Variants in ATP8A1 observed in about 807,000 individuals in gnomAD.
The protein encoded by ATP8A1 is phospholipid-transporting ATPase IA.
A neutral mutation model predicts 177.7 loss-of-function variants in ATP8A1; 90 were observed. The observed-to-expected ratio is 0.51, with a 90% confidence interval of 0.43 to 0.60. The LOEUF (loss-of-function observed/expected upper bound fraction) is 0.60, where lower values mean the gene tolerates loss of function less well. Ranked by LOEUF, ATP8A1 falls within the 20% of genes least tolerant of loss-of-function variation. The pLI, the probability that ATP8A1 is intolerant of heterozygous loss-of-function variation, is 0.00. For missense variants in ATP8A1, 1,072 were observed against 1,392.8 expected, an observed-to-expected ratio of 0.77 and a Z score of 3.67; for synonymous variants, 493 against 485.9, an observed-to-expected ratio of 1.01 and a Z score of -0.19.
intron 19 of ATP8A1, among the ~76,000 whole-genome samples, chr4:42,545,432 T>C (rs941142662): frequency 9.9e-5 from 15 of 152,138 alleles, no homozygotes; most frequent in African/African-American, 3.6e-4. Flanking sequence ...GAACTCTCTT[T>C]TGTGTTACAT....
intron 22 of ATP8A1, among the ~76,000 whole-genome samples, chr4:42,521,096 G>A (rs1726083313): frequency 6.6e-6 from 1 of 152,200 alleles, no homozygotes; most frequent in African/African-American, 2.4e-5. Flanking sequence ...GTTCGATAGA[G>A]AGGAAAGAAG....
chr4:42,504,022 T>C (rs765972760), intron 23 of ATP8A1, among the ~76,000 whole-genome samples: 2 of 152,124 alleles, frequency 1.3e-5, no homozygotes, highest in Non-Finnish European at 2.9e-5. Flanking sequence ...AATCCTCCCT[T>C]TGTTCAATTC....
At chr4:42,497,485 T>A (rs2153192031) in intron 24 of ATP8A1, among the ~76,000 whole-genome samples, 1 of 152,270 alleles carries the variant, frequency 6.6e-6, no homozygotes, top group South Asian at 2.1e-4. Flanking sequence ...CAATTCTAGG[T>A]CTCAGGGAGC....
chr4:42,469,170 C>T (rs1720124513), intron 25 of ATP8A1, among the ~76,000 whole-genome samples: 1 of 152,140 alleles, frequency 6.6e-6, no homozygotes, highest in African/African-American at 2.4e-5. Context: ...CTCAAAAAGT[C>T]TTTTAGAGCA....
At chr4:42,480,905 A>G (rs1721603127) in intron 25 of ATP8A1, among the ~76,000 whole-genome samples, 1 of 152,252 alleles carries the variant, frequency 6.6e-6, no homozygotes, top group Non-Finnish European at 1.5e-5. Context: ...ACATGAGTAC[A>G]TAAATTATGT....
intron 25 of ATP8A1, among the ~76,000 whole-genome samples, chr4:42,465,799 A>G (rs1002191676): frequency 6.6e-6 from 1 of 152,096 alleles, no homozygotes; most frequent in African/African-American, 2.4e-5. Context: ...TTGGGAGGCC[A>G]AGGCAGGTGG....
chr4:42,419,642 A>T (rs917206387), intron 35 of ATP8A1, among the ~76,000 whole-genome samples: 4 of 152,214 alleles, frequency 2.6e-5, no homozygotes, highest in African/African-American at 9.6e-5. Flanking sequence ...GGAACCAAAG[A>T]AAGTCTGGTA....
At chr4:42,455,623 C>G in intron 27 of ATP8A1, 24 bp from the exon 28 acceptor site, 1 of 1,604,702 alleles carries the variant, frequency 6.2e-7, no homozygotes. Context: ...CCCAAAACCC[C>G]CAAATTAGAA....
chr4:42,410,665 C>G lies in ATP8A1; in HGVS notation c.*2251G>C, dbSNP rs958307793. 1 of 152,132 alleles carries G rather than the reference C, an allele frequency of 6.6e-6. No individual in the cohort carries two copies. The highest frequency in any genetic ancestry group is 1.5e-5 in the Non-Finnish European group (1 of 68,012). 9.4% of individuals were successfully genotyped at this position (152,132 alleles called of 1,614,324 possible). On this transcript the variant is annotated 3_prime_UTR_variant, in exon 37 of 37. Coordinates refer to ENST00000381668, the MANE Select transcript of ATP8A1 (RefSeq NM_006095.2). ...AACAGGACGATGGGACAAAGAGGCTCAAATTAGTCACATTTCAGATCATGT... is the reference window on the plus strand; with the variant it reads ...AACAGGACGATGGGACAAAGAGGCTGAAATTAGTCACATTTCAGATCATGT...
chr4:42,575,578 T>A (rs747926425), intron 13 of ATP8A1, 44 bp downstream of exon 13: 13 of 1,553,792 alleles, frequency 8.4e-6, no homozygotes, highest in Non-Finnish European at 1.2e-5. Context: ...ACACCAAATC[T>A]AACTTTTTAA....
intron 5 of ATP8A1, 73 bp from the exon 6 acceptor site, chr4:42,600,591 T>C (rs1735150257): frequency 3.7e-6 from 5 of 1,361,044 alleles, no homozygotes; most frequent in African/African-American, 3.0e-5. Flanking sequence ...GAAATAATAA[T>C]TTTAAACGAA....
At chr4:42,439,595 C>G (rs919072400) in intron 33 of ATP8A1, among the ~76,000 whole-genome samples, 2 of 152,190 alleles carry the variant, frequency 1.3e-5, no homozygotes, top group Admixed American at 1.3e-4. Context: ...ACAGTCATCG[C>G]TCGAGAAGCA....
chr4:42,576,277 C>T (rs1343572861), intron 12 of ATP8A1, among the ~76,000 whole-genome samples: 3 of 151,800 alleles, frequency 2.0e-5, no homozygotes, highest in Admixed American at 1.3e-4. Context: ...CGAGACCATC[C>T]TGGCTAACAC....
At chr4:42,464,856 G>T in intron 26 of ATP8A1, 37 bp downstream of exon 26, 1 of 1,612,344 alleles carries the variant, frequency 6.2e-7, no homozygotes, top group Non-Finnish European at 8.5e-7. Flanking sequence ...TCAGTTGACT[G>T]AGAGGAATGA....
chr4:42,470,282 T>C (rs1021649077), intron 25 of ATP8A1, among the ~76,000 whole-genome samples: 1 of 152,238 alleles, frequency 6.6e-6, no homozygotes, highest in African/African-American at 2.4e-5. Context: ...TGTTATTCAT[T>C]ATTTTTCTTA....
chr4:42,493,026 C>G (rs28670378), intron 24 of ATP8A1, among the ~76,000 whole-genome samples: 1 of 152,234 alleles, frequency 6.6e-6, no homozygotes, highest in Non-Finnish European at 1.5e-5. Context: ...TGTGACACAA[C>G]TCTTCATAGC....
chr4:42,634,619 T>C (rs894646895), intron 1 of ATP8A1, among the ~76,000 whole-genome samples: 3 of 152,194 alleles, frequency 2.0e-5, no homozygotes, highest in African/African-American at 7.2e-5. Flanking sequence ...CTACCAGTTA[T>C]GAGCTCTGGT....
rs78915266 is a variant in ATP8A1, at chr4:42,583,860, T to C, written c.723-2128A>G. Among the ~76,000 whole-genome samples, 149 of 152,348 alleles carry C rather than the reference T, an allele frequency of 9.8e-4. 3 individuals carry two copies. The East Asian group carries it at 0.028, about 29-fold the overall frequency. On this transcript the variant is annotated intron_variant, in intron 9 of 36. Transcript: ENST00000381668. ...TTTCTCCTTCACAGCATAGATTTGC[T>C]CAGCAACAATTTGACAGAAAACTGT... is the stretch of plus-strand genomic sequence containing the variant.
At chr4:42,540,290 C>T (rs114657681) in intron 20 of ATP8A1, among the ~76,000 whole-genome samples, 307 of 152,086 alleles carry the variant, frequency 2.0e-3, no homozygotes, top group African/African-American at 7.0e-3. Flanking sequence ...CTGATGTAGG[C>T]GAGGATGTGG....
Sources: gnomAD v4.1 joint callset for allele counts (sites outside exome capture counted in the v4.1 genomes callset) on GRCh38, gnomAD v4.1.1 for gene constraint, MANE v1.5 for transcripts, NCBI Gene and HGNC (gene_info 2026-07-23, HGNC 2026-07-21) for gene names.